DSG2: variants seen among roughly 807,000 people sequenced by gnomAD.
The protein encoded by DSG2 is desmoglein-2.
DSG2 carries 45 observed loss-of-function variants against 75.6 expected under a neutral mutation model. That is an observed-to-expected ratio of 0.60 (90% CI 0.47 to 0.76). The LOEUF is 0.76. Among genes scored for constraint, DSG2 ranks in the 30% least tolerant of loss-of-function variants. DSG2 has a pLI of 0.00. For missense variants in DSG2, 1,267 were observed against 1,357.4 expected (o/e 0.93, Z 1.05); for synonymous variants, 429 against 483.9 (o/e 0.89, Z 1.49).
At position 31,542,848 on chromosome 18, in the gene DSG2, C is replaced by A; in HGVS notation, c.2330C>A (p.Thr777Asn). ...GAAGAATTCTTAAGAAATTATTTCA[C>A]TGATGTAAGGATGAGTTTTATGTAT... ...LNEEFLRNYF[T>N]DKAASYTEED... is the part of the protein sequence containing the mutation. The change falls in exon 14 of 15, where the codon ACT (threonine) becomes AAT (asparagine). Residue 777 changes from threonine (T) to asparagine (N), a missense_variant. Thr to Asn is a moderately conservative substitution (Grantham distance 65). Coordinates refer to ENST00000261590, the MANE Select transcript of DSG2 (RefSeq NM_001943.5). 7.0e-7 allele frequency: 1 copy of A among 1,435,228 alleles called. No homozygotes were observed. 88.9% of individuals were successfully genotyped at this position (1,435,228 alleles called of 1,614,324 possible).
chr18:31,534,760 T>C (rs2073219072), intron 9 of DSG2, among the ~76,000 whole-genome samples: 2 of 152,186 alleles, frequency 1.3e-5, no homozygotes. Flanking sequence ...TCCACCCGCC[T>C]CAGCCTCCCA....
chr18:31,504,976 A>G (rs2073031663), intron 1 of DSG2, among the ~76,000 whole-genome samples: 1 of 151,948 alleles, frequency 6.6e-6, no homozygotes, highest in Admixed American at 6.6e-5. Flanking sequence ...TCCTCATTCC[A>G]TCTCCCTGAC....
intron 12 of DSG2, among the ~76,000 whole-genome samples, chr18:31,540,338 A>G (rs775166751): frequency 5.9e-5 from 9 of 152,184 alleles, no homozygotes; most frequent in African/African-American, 1.4e-4. Context: ...TCTCCATGCT[A>G]TGGCTACATA....
intron 1 of DSG2, among the ~76,000 whole-genome samples, chr18:31,517,116 A>T (rs918179908): frequency 1.3e-5 from 2 of 152,224 alleles, no homozygotes; most frequent in Non-Finnish European, 2.9e-5. Flanking sequence ...TTGCAGCAAA[A>T]CAACATGGCT....
At chr18:31,512,816 T>G (rs1444654028) in intron 1 of DSG2, among the ~76,000 whole-genome samples, 1 of 152,236 alleles carries the variant, frequency 6.6e-6, no homozygotes, top group Non-Finnish European at 1.5e-5. Context: ...CTTTAATTTT[T>G]TTTATTGCTC....
chr18:31,524,064 A>C (rs1197027861), intron 6 of DSG2, among the ~76,000 whole-genome samples: 3 of 152,228 alleles, frequency 2.0e-5, no homozygotes, highest in Non-Finnish European at 4.4e-5. Flanking sequence ...TTTTGCCTTC[A>C]CTAACCAAGT....
At chr18:31,530,667 C>G (rs1466839537) in intron 8 of DSG2, among the ~76,000 whole-genome samples, 1 of 152,140 alleles carries the variant, frequency 6.6e-6, no homozygotes, top group Non-Finnish European at 1.5e-5. Context: ...GATCTACCTG[C>G]CTTGGCTTCC....
At position 31,524,713 on chromosome 18, in the gene DSG2, T is replaced by C. The variant is rs1002445324; in HGVS notation, c.839T>C (p.Met280Thr). 5 of 1,614,072 alleles carry C rather than the reference T, an allele frequency of 3.1e-6. No individual in the cohort carries two copies. Among genetic ancestry groups the C allele is most frequent in the Non-Finnish European group, 4.2e-6 (5 of 1,179,920 alleles). Residue 280 changes from methionine (M) to threonine (T), a missense_variant, in exon 8 of 15, where the codon ATG becomes ACG. Coordinates refer to ENST00000261590, the MANE Select transcript of DSG2 (RefSeq NM_001943.5). ...GTTCATGTTTTGCAGCTTGAAGGGA[T>C]GGTTGAAGAAAATCAAGTCAACGTA... is the stretch of plus-strand genomic sequence containing the variant. ...PVVENKVLEG[M>T]VEENQVNVEV...
Position 31,546,975 on chromosome 18 carries a change from G to A in DSG2, c.*232G>A. 5.1e-6 allele frequency: 3 copies of A among 593,594 alleles called. No individual in the cohort carries two copies. The highest frequency in any genetic ancestry group is 9.1e-6 in the Non-Finnish European group (3 of 331,468). 36.8% of individuals were successfully genotyped at this position (593,594 alleles called of 1,614,324 possible). A position where few individuals can be genotyped will look rare whatever the true frequency, so the allele number is the denominator to read the frequency against. ...ACATAGAGATGATGCTGCTGCTTAGGTGCCTTTTAGCAAGCTATGCAAACA... is the reference window on the plus strand; with the variant it reads ...ACATAGAGATGATGCTGCTGCTTAGATGCCTTTTAGCAAGCTATGCAAACA... On this transcript the variant is annotated 3_prime_UTR_variant, in exon 15 of 15. Coordinates refer to ENST00000261590, the MANE Select transcript of DSG2 (RefSeq NM_001943.5).
At chr18:31,511,868 C>T (rs1024614474) in intron 1 of DSG2, among the ~76,000 whole-genome samples, 4 of 152,170 alleles carry the variant, frequency 2.6e-5, no homozygotes, top group Non-Finnish European at 4.4e-5. Flanking sequence ...CCTTGTGCTC[C>T]CTTCAGTCCC....
intron 14 of DSG2, among the ~76,000 whole-genome samples, chr18:31,545,295 G>GTC (rs765044755): frequency 7.2e-5 from 11 of 152,122 alleles, no homozygotes; most frequent in Non-Finnish European, 1.6e-4. Flanking sequence ...CATTTTCTCT[G>GTC]TCTCTCTCTC....
At chr18:31,520,781 A>G in intron 3 of DSG2, 22 bp from the exon 4 acceptor site, 1 of 1,612,232 alleles carries the variant, frequency 6.2e-7, no homozygotes, top group East Asian at 2.2e-5. Flanking sequence ...AACCTGAAAC[A>G]TTCCTGTTAT....
chr18:31,545,920 T>C lies in DSG2; in HGVS notation c.2534T>C (p.Ile845Thr), dbSNP rs1303479214. 6.2e-7 allele frequency: 1 copy of C among 1,613,974 alleles called. No homozygotes were observed. Residue 845 changes from isoleucine (I) to threonine (T), a missense_variant, in exon 15 of 15, where the codon ATA becomes ACA. Transcript: ENST00000261590. ...TLAEVCLGQKIDINKEIEQRQ... is the reference protein window; with the variant it reads ...TLAEVCLGQKTDINKEIEQRQ... ...GCTGAAGTTTGCCTGGGTCAAAAAA[T>C]AGATATAAATAAGGAAATTGAGCAG... is the stretch of plus-strand genomic sequence containing the variant.
chr18:31,499,596 G>A (rs1050712727), intron 1 of DSG2, among the ~76,000 whole-genome samples: 14 of 152,154 alleles, frequency 9.2e-5, no homozygotes, highest in African/African-American at 3.1e-4. Flanking sequence ...GATCTGGGAC[G>A]TCGTTTTTAG....
chr18:31,519,916 CAAG>C lies in DSG2; in HGVS notation c.201_203del (p.Lys67del). On this transcript the variant is annotated inframe_deletion, in exon 3 of 15. Transcript: ENST00000261590. ...CTCTTCGGGAGGGAGAGGATCTGTCCAAGAAGAATCCAATTGCCAAGGTACCTC... is the reference window on the plus strand; with the variant it reads ...CTCTTCGGGAGGGAGAGGATCTGTCCAAGAATCCAATTGCCAAGGTACCTC... 1 of 1,614,082 alleles carries C rather than the reference CAAG, an allele frequency of 6.2e-7. No homozygotes were observed. Among genetic ancestry groups the C allele is most frequent in the Non-Finnish European group, 8.5e-7 (1 of 1,180,012 alleles).
At chr18:31,541,944 C>G (rs1039999430) in intron 13 of DSG2, among the ~76,000 whole-genome samples, 69 of 152,244 alleles carry the variant, frequency 4.5e-4, no homozygotes, top group Non-Finnish European at 1.2e-4. Context: ...TGTTTTTCTT[C>G]CATGGTTGAG....
chr18:31,536,593 G>A (rs1422746070), intron 11 of DSG2, among the ~76,000 whole-genome samples, 164 bp downstream of exon 11: 3 of 152,144 alleles, frequency 2.0e-5, no homozygotes. Context: ...TCTTTTATAT[G>A]CTTATGGAGA....
At chr18:31,511,153 A>G (rs547338356) in intron 1 of DSG2, among the ~76,000 whole-genome samples, 1 of 152,338 alleles carries the variant, frequency 6.6e-6, no homozygotes, top group East Asian at 1.9e-4. Context: ...TGGTTATTAC[A>G]GTAGCTTCCA....
chr18:31,513,982 C>T (rs1026130399), intron 1 of DSG2, among the ~76,000 whole-genome samples: 1 of 152,156 alleles, frequency 6.6e-6, no homozygotes, highest in African/African-American at 2.4e-5. Context: ...TCCTCAAAAC[C>T]GTCAAGGTCA....
Sources: allele counts gnomAD v4.1 joint callset (sites outside exome capture counted in the v4.1 genomes callset), GRCh38; gene constraint gnomAD v4.1.1; transcripts MANE v1.5; gene names NCBI Gene and HGNC (gene_info 2026-07-23, HGNC 2026-07-21).